Variants in DENND1A observed in about 807,000 individuals in gnomAD.
DENND1A encodes the protein DENN domain-containing protein 1A.
A neutral mutation model predicts 113.7 loss-of-function variants in DENND1A; 51 were observed. That is an observed-to-expected ratio of 0.45 (90% CI 0.36 to 0.57). The LOEUF is 0.57. Among genes scored for constraint, DENND1A ranks in the 20% least tolerant of loss-of-function variants. DENND1A has a pLI of 0.00. For missense variants in DENND1A, 1,258 were observed against 1,395.9 expected (o/e 0.90, Z 1.57); for synonymous variants, 565 against 570.8 (o/e 0.99, Z 0.14).
At chr9:123,462,005 A>C (rs974315992) in intron 13 of DENND1A, 7 of 152,208 alleles carry the variant, frequency 4.6e-5, no homozygotes, top group Non-Finnish European at 1.0e-4. Context: ...AAACATGATA[A>C]GTGGACACTT....
chr9:123,399,867 C>T (rs1172869197), intron 21 of DENND1A, among the ~76,000 whole-genome samples: 1 of 152,222 alleles, frequency 6.6e-6, no homozygotes, highest in Admixed American at 6.5e-5. Flanking sequence ...AACTGGGTGA[C>T]CTTGGGAAGA....
chr9:123,699,758 C>T (rs1455053445), intron 5 of DENND1A, among the ~76,000 whole-genome samples: 2 of 141,896 alleles, frequency 1.4e-5, no homozygotes, highest in East Asian at 4.2e-4. Flanking sequence ...AGTGCAGTGG[C>T]GTGATCTCAG....
chr9:123,433,400 C>T (rs1323477717), intron 19 of DENND1A, among the ~76,000 whole-genome samples: 1 of 152,200 alleles, frequency 6.6e-6, no homozygotes, highest in Non-Finnish European at 1.5e-5. Flanking sequence ...CTTTCTCTCT[C>T]TTCTCTACAC....
At chr9:123,754,844 C>T (rs2070384431) in intron 5 of DENND1A, among the ~76,000 whole-genome samples, 1 of 152,130 alleles carries the variant, frequency 6.6e-6, no homozygotes, top group Non-Finnish European at 1.5e-5. Flanking sequence ...TATAGGCACA[C>T]AAAGTCACAC....
chr9:123,784,934 A>T (rs1371471569), intron 3 of DENND1A, among the ~76,000 whole-genome samples: 2 of 152,204 alleles, frequency 1.3e-5, no homozygotes, highest in East Asian at 3.8e-4. Context: ...TAAATGTTTA[A>T]GGTTGAAATA....
At chr9:123,872,180 T>A (rs1325042775) in intron 2 of DENND1A, among the ~76,000 whole-genome samples, 1 of 151,928 alleles carries the variant, frequency 6.6e-6, no homozygotes, top group Non-Finnish European at 1.5e-5. Context: ...CAAAAAAAAA[T>A]AAGCATACAA....
intron 1 of DENND1A, among the ~76,000 whole-genome samples, chr9:123,906,216 A>G (rs1230690): frequency 0.075 from 10,825 of 144,196 alleles, 557 homozygotes; most frequent in African/African-American, 0.17. Flanking sequence ...CAGTGTGTAG[A>G]GGGAAATTTA....
At chr9:123,562,643 C>A (rs2057823708) in intron 12 of DENND1A, among the ~76,000 whole-genome samples, 1 of 152,094 alleles carries the variant, frequency 6.6e-6, no homozygotes, top group African/African-American at 2.4e-5. Context: ...ATTTTACACA[C>A]TTGATTGTTT....
intron 12 of DENND1A, among the ~76,000 whole-genome samples, chr9:123,565,394 C>T (rs910285293): frequency 1.3e-4 from 20 of 152,196 alleles, no homozygotes; most frequent in African/African-American, 4.6e-4. Context: ...TCTAAAAGCC[C>T]GGCTCAAGTT....
chr9:123,556,731 T>C (rs893404841), intron 13 of DENND1A, among the ~76,000 whole-genome samples: 3 of 152,012 alleles, frequency 2.0e-5, no homozygotes, highest in African/African-American at 7.3e-5. Flanking sequence ...GTCGGCAAGG[T>C]TTCCCTCCAA....
At chr9:123,467,201 C>T (rs896182082) in intron 13 of DENND1A, among the ~76,000 whole-genome samples, 8 of 152,196 alleles carry the variant, frequency 5.3e-5, no homozygotes, top group South Asian at 2.1e-4. Flanking sequence ...TTTGTGAGCA[C>T]GTAGAGTCCT....
At chr9:123,830,308 T>C (rs1236606419) in intron 2 of DENND1A, among the ~76,000 whole-genome samples, 1 of 152,004 alleles carries the variant, frequency 6.6e-6, no homozygotes, top group Non-Finnish European at 1.5e-5. Flanking sequence ...AACTAATCTA[T>C]GGTAACATAA....
intron 15 of DENND1A, among the ~76,000 whole-genome samples, chr9:123,456,642 C>T (rs2048147625): frequency 6.6e-6 from 1 of 152,150 alleles, no homozygotes; most frequent in African/African-American, 2.4e-5. Context: ...GAAACCCTGT[C>T]TCTACTAAAA....
chr9:123,380,008 T>A lies in DENND1A; in HGVS notation c.*1424A>T, dbSNP rs1006125824. 2.6e-5 allele frequency: 4 copies of A among 152,214 alleles called. No homozygotes were observed. The highest frequency in any genetic ancestry group is 1.3e-4 in the Admixed American group (2 of 15,278). The allele number at this position is 152,214 out of a possible 1,614,324, so 9.4% of individuals were successfully genotyped here. ...GTCACGGTTGACCCAGGAAGAGCCA[T>A]GTGCCAGGATGGCCGCCAAGCCTCA... On this transcript the variant is annotated 3_prime_UTR_variant, in exon 24 of 24. Coordinates refer to ENST00000394215, the MANE Select transcript of DENND1A (RefSeq NM_001352964.2).
chr9:123,537,461 T>C (rs995803398), intron 13 of DENND1A, among the ~76,000 whole-genome samples: 15 of 151,664 alleles, frequency 9.9e-5, no homozygotes, highest in South Asian at 8.3e-4. Context: ...GCAAAGAAGA[T>C]TGAATATACG....
intron 4 of DENND1A, among the ~76,000 whole-genome samples, chr9:123,761,185 T>G (rs1399794509): frequency 6.6e-6 from 1 of 152,200 alleles, no homozygotes; most frequent in Non-Finnish European, 1.5e-5. Flanking sequence ...GAAAGAATCA[T>G]TACTCATTTA....
At position 123,573,368 on chromosome 9, in the gene DENND1A, T is replaced by C. The variant is rs546679394; in HGVS notation, c.867+9801A>G. Among the ~76,000 whole-genome samples the C allele has an allele frequency of 3.3e-5, 5 of 152,306 alleles. No homozygotes were observed. In the East Asian group the frequency reaches 9.6e-4, roughly 29 times the overall value. On this transcript the variant is annotated intron_variant, in intron 12 of 23. Transcript: ENST00000394215. ...GGATTATATTGAATCTATAGATCAATTTAGGGAAAATTAACATCTTAAAAA... is the reference window on the plus strand; with the variant it reads ...GGATTATATTGAATCTATAGATCAACTTAGGGAAAATTAACATCTTAAAAA...
At chr9:123,859,490 T>G (rs999061281) in intron 2 of DENND1A, among the ~76,000 whole-genome samples, 2 of 151,802 alleles carry the variant, frequency 1.3e-5, no homozygotes, top group African/African-American at 4.8e-5. Context: ...TTAAATTACC[T>G]ATTTAAAATT....
At chr9:123,496,485 A>G (rs2051927119) in intron 13 of DENND1A, among the ~76,000 whole-genome samples, 1 of 152,178 alleles carries the variant, frequency 6.6e-6, no homozygotes, top group African/African-American at 2.4e-5. Context: ...TTTCACTGGT[A>G]TTTACAACTA....
Sources: allele counts gnomAD v4.1 joint callset (sites outside exome capture counted in the v4.1 genomes callset), GRCh38; gene constraint gnomAD v4.1.1; transcripts MANE v1.5; gene names NCBI Gene and HGNC (gene_info 2026-07-23, HGNC 2026-07-21).